USP45: variants seen among roughly 807,000 people sequenced by gnomAD.
USP45 encodes the protein ubiquitin specific peptidase 45, also known as ubiquitin carboxyl-terminal hydrolase 45.
In USP45, 89 loss-of-function variants were observed where a neutral mutation model predicts 95.8. The observed-to-expected ratio is 0.93, with a 90% CI of 0.78 to 1.11. The LOEUF (loss-of-function observed/expected upper bound fraction) is 1.11, where lower values mean the gene tolerates loss of function less well. Among genes scored for constraint, USP45 ranks in the 50% least tolerant of loss-of-function variants. The pLI, the probability that USP45 is intolerant of heterozygous loss-of-function variation, is 0.00. For synonymous variants in USP45, 281 were observed against 316.2 expected (o/e 0.89, Z 1.18); for missense variants, 898 against 942.5 (o/e 0.95, Z 0.62).
intron 8 of USP45, among the ~76,000 whole-genome samples, chr6:99,477,247 C>T (rs996213573): frequency 6.6e-6 from 1 of 152,192 alleles, no homozygotes; most frequent in Non-Finnish European, 1.5e-5. Flanking sequence ...CTAAGTGCCA[C>T]TAACATAACT....
chr6:99,445,782 TA>T lies in USP45; in HGVS notation c.1975+14del, dbSNP rs778249756. The T allele has an allele frequency of 1.3e-6, 2 of 1,520,344 alleles. No individual in the cohort carries two copies. The highest frequency in any genetic ancestry group is 2.8e-5 in the African/African-American group (2 of 71,318). The allele number at this position is 1,520,344 out of a possible 1,614,324, so 94.2% of individuals were successfully genotyped here. A position where few individuals can be genotyped will look rare whatever the true frequency, so the allele number is the denominator to read the frequency against. On this transcript the variant is annotated intron_variant, in intron 14 of 17. Transcript: ENST00000500704. ...ATCAGGAGATCAATAATTATGTAAT[TA>T]AAAAAATAATTACCTGCAAAACTGG...
intron 4 of USP45, among the ~76,000 whole-genome samples, chr6:99,504,390 T>A (rs966480611): frequency 6.6e-6 from 1 of 152,160 alleles, no homozygotes; most frequent in Non-Finnish European, 1.5e-5. Context: ...TCCACCCGCC[T>A]CGGCCTCCCA....
chr6:99,464,610 T>G lies in USP45; in HGVS notation c.1302A>C (p.Lys434Asn). The G allele has an allele frequency of 6.2e-7, 1 of 1,610,986 alleles. No homozygotes were observed. Among genetic ancestry groups the G allele is most frequent in the Non-Finnish European group, 8.5e-7 (1 of 1,179,192 alleles). The change falls in exon 13 of 18, where the codon AAA becomes AAC. Residue 434 changes from lysine to asparagine, a missense_variant. Transcript: ENST00000500704. ...CAGATGCTTATGGTCTTACCTTATC[T>G]TTAGATGAAGAATGCTTCTTGGCAG... Reference protein sequence around the residue: ...PRAAKKHSSSKDKSQLIHDRK... With the variant: ...PRAAKKHSSSNDKSQLIHDRK...
rs938963451 is a variant in USP45 at position 99,435,665 on chromosome 6, T to A, written c.*51A>T. 6.6e-7 allele frequency: 1 copy of A among 1,513,810 alleles called. No individual in the cohort carries two copies. Among genetic ancestry groups the A allele is most frequent in the African/African-American group, 1.4e-5 (1 of 72,574 alleles). The allele number at this position is 1,513,810 out of a possible 1,614,324, so 93.8% of individuals were successfully genotyped here. A position where few individuals can be genotyped will look rare whatever the true frequency, so the allele number is the denominator to read the frequency against. On this transcript the variant is annotated 3_prime_UTR_variant, in exon 18 of 18. Coordinates refer to ENST00000500704, the MANE Select transcript of USP45 (RefSeq NM_001346022.3). ...AAAGGCACATTATATATTATAGTTA[T>A]CACTGTGGCATTCAAAAACAAATGA...
chr6:99,465,127 C>T lies in USP45; in HGVS notation c.1117G>A (p.Val373Met), dbSNP rs76636141. ...GAAATATCAATGAATGGATCTTTCACCGTGGAGATCTTAAAAGGAAAACAC... is the reference window on the plus strand; with the variant it reads ...GAAATATCAATGAATGGATCTTTCATCGTGGAGATCTTAAAAGGAAAACAC... Reference protein sequence around the residue: ...MCEECANISTVKDPFIDISLP... With the variant: ...MCEECANISTMKDPFIDISLP... Residue 373 changes from valine (V) to methionine (M), a missense_variant, in exon 12 of 18, where the codon GTG (valine) becomes ATG (methionine). Physicochemically the swap from Val to Met is conservative, Grantham distance 21. Transcript: ENST00000500704. 693 of 1,593,228 alleles carry T rather than the reference C, an allele frequency of 4.3e-4. 10 individuals carry two copies. The East Asian group carries it at 0.015, about 34-fold the overall frequency.
intron 3 of USP45, among the ~76,000 whole-genome samples, 162 bp from the exon 4 acceptor site, chr6:99,507,693 T>C (rs1426722080): frequency 6.6e-6 from 1 of 152,266 alleles, no homozygotes; most frequent in African/African-American, 2.4e-5. Flanking sequence ...TTAAATTTAA[T>C]TTCTTGCCAA....
chr6:99,454,142 G>A (rs1784501244), intron 13 of USP45, among the ~76,000 whole-genome samples: 1 of 152,106 alleles, frequency 6.6e-6, no homozygotes, highest in African/African-American at 2.4e-5. Flanking sequence ...CAGTGCAACA[G>A]AATAAAGAAA....
chr6:99,500,498 T>A (rs1226115374), intron 5 of USP45, among the ~76,000 whole-genome samples: 1 of 152,042 alleles, frequency 6.6e-6, no homozygotes, highest in Non-Finnish European at 1.5e-5. Flanking sequence ...ATTCAAGAAA[T>A]CAGTAAAATT....
At chr6:99,507,367 G>GAAAA in intron 4 of USP45, 61 bp downstream of exon 4, 12 of 790,704 alleles carry the variant, frequency 1.5e-5, no homozygotes, top group South Asian at 9.8e-5. Context: ...AAAGCTTAAA[G>GAAAA]AAAAAAAAAA....
At chr6:99,486,951 G>T (rs1794056146) in intron 7 of USP45, among the ~76,000 whole-genome samples, 1 of 152,112 alleles carries the variant, frequency 6.6e-6, no homozygotes, top group Non-Finnish European at 1.5e-5. Context: ...TGAACTAGGT[G>T]GGTTTATTAC....
intron 5 of USP45, chr6:99,501,620 A>T (rs775970111): frequency 6.4e-6 from 1 of 155,300 alleles, no homozygotes; most frequent in African/African-American, 2.4e-5. Context: ...AGAGGGCAAG[A>T]TAAAACTATT....
chr6:99,502,679 A>G (rs1301021462), intron 5 of USP45, among the ~76,000 whole-genome samples: 4 of 152,204 alleles, frequency 2.6e-5, no homozygotes, highest in African/African-American at 9.6e-5. Flanking sequence ...GTAATCGCCA[A>G]TGTTGGAGGA....
At chr6:99,439,520 C>A (rs1781127364) in intron 16 of USP45, among the ~76,000 whole-genome samples, 2 of 152,174 alleles carry the variant, frequency 1.3e-5, no homozygotes, top group Non-Finnish European at 2.9e-5. Flanking sequence ...GTAGCACTTA[C>A]AAACAGCTTA....
At chr6:99,512,319 C>T (rs910960086) in intron 1 of USP45, among the ~76,000 whole-genome samples, 1 of 152,110 alleles carries the variant, frequency 6.6e-6, no homozygotes, top group Non-Finnish European at 1.5e-5. Context: ...TAAAAAGCTT[C>T]TAACTGAAGC....
intron 1 of USP45, among the ~76,000 whole-genome samples, chr6:99,512,846 A>G (rs1800198168): frequency 1.3e-5 from 2 of 152,002 alleles, no homozygotes; most frequent in South Asian, 4.1e-4. Context: ...CTACAGTTCC[A>G]CCTTATAAAA....
intron 9 of USP45, among the ~76,000 whole-genome samples, chr6:99,469,460 AAT>A (rs1364416608): frequency 3.7e-5 from 5 of 135,588 alleles, no homozygotes; most frequent in African/African-American, 1.3e-4. Flanking sequence ...ATATATAATT[AAT>A]ATATATATAA....
chr6:99,470,353 T>C (rs183768378), intron 9 of USP45, among the ~76,000 whole-genome samples: 2 of 152,222 alleles, frequency 1.3e-5, no homozygotes, highest in African/African-American at 4.8e-5. Context: ...CTTCTGTGTA[T>C]GATATATGTT....
At chr6:99,464,018 C>T (rs1197882529) in intron 13 of USP45, among the ~76,000 whole-genome samples, 4 of 151,920 alleles carry the variant, frequency 2.6e-5, no homozygotes, top group South Asian at 4.2e-4. Flanking sequence ...GAGTATCCCT[C>T]GGTTAGTGCT....
At chr6:99,481,234 G>T (rs140207722) in intron 8 of USP45, among the ~76,000 whole-genome samples, 31 of 152,294 alleles carry the variant, frequency 2.0e-4, no homozygotes, top group African/African-American at 7.2e-4. Flanking sequence ...TGCTAACATG[G>T]AAAGATGTAT....
Sources: allele counts gnomAD v4.1 joint callset (sites outside exome capture counted in the v4.1 genomes callset), GRCh38; gene constraint gnomAD v4.1.1; transcripts MANE v1.5; gene names NCBI Gene and HGNC (gene_info 2026-07-23, HGNC 2026-07-21).